EXOC1: variants seen among roughly 807,000 people sequenced by gnomAD.
The protein encoded by EXOC1 is exocyst complex component 1, also known as SEC3-like 1.
Under a neutral mutation model 107.7 loss-of-function variants are expected in EXOC1, and 67 were observed. That is an observed-to-expected ratio of 0.62 (90% CI 0.51 to 0.76). The LOEUF is 0.76. EXOC1 is among the 30% of genes least tolerant of loss of function. The probability of loss-of-function intolerance (pLI) is 0.00; values close to 1 mark genes in which losing one functional copy is unlikely to be tolerated. For missense variants in EXOC1, 833 were observed against 1,055.7 expected (o/e 0.79, Z 2.92); for synonymous variants, 348 against 353.5 (o/e 0.98, Z 0.17).
Position 55,858,293 on chromosome 4 carries a change from T to A in EXOC1, c.-10-21T>A, listed in dbSNP as rs756764899. 16 of 1,583,320 alleles carry A rather than the reference T, an allele frequency of 1.0e-5. No individual in the cohort carries two copies. In the South Asian group the frequency reaches 1.8e-4, roughly 18 times the overall value. ...AATGATGTTGAGGGTGAGCTTAATA[T>A]CTATACTCCACATTTTTCAGCTGAG... On this transcript the variant is annotated intron_variant, in intron 1 of 18. Transcript: ENST00000381295.
chr4:55,862,412 A>G (rs1200621811), intron 3 of EXOC1, among the ~76,000 whole-genome samples: 1 of 152,064 alleles, frequency 6.6e-6, no homozygotes. Context: ...AACATTAGCC[A>G]TTTAGTATCA....
intron 3 of EXOC1, 136 bp downstream of exon 3, chr4:55,860,677 CTATAAT>C (rs1721393477): frequency 1.0e-6 from 1 of 999,266 alleles, no homozygotes; most frequent in East Asian, 2.9e-5. Context: ...TTTTTTTAAG[CTATAAT>C]TATGTTTGTG....
chr4:55,872,151 A>G (rs1722501170), intron 8 of EXOC1, among the ~76,000 whole-genome samples, 193 bp downstream of exon 8: 1 of 152,204 alleles, frequency 6.6e-6, no homozygotes, highest in South Asian at 2.1e-4. Flanking sequence ...CTCTTTTGGT[A>G]GACAGTCTAG....
In EXOC1 at chr4:55,883,946, A is replaced by C; in HGVS notation, c.1330+18A>C. The C allele has an allele frequency of 1.3e-6, 2 of 1,533,336 alleles. No individual in the cohort carries two copies. The highest frequency in any genetic ancestry group is 1.8e-6 in the Non-Finnish European group (2 of 1,124,304). 95.0% of individuals were successfully genotyped at this position (1,533,336 alleles called of 1,614,324 possible). A position where few individuals can be genotyped will look rare whatever the true frequency, so the allele number is the denominator to read the frequency against. ...GAAGTTTGGTAAGCTTAGGCATGTCAGTTCATTATCTTCCTATTAAAAATG... is the reference window on the plus strand; with the variant it reads ...GAAGTTTGGTAAGCTTAGGCATGTCCGTTCATTATCTTCCTATTAAAAATG... On this transcript the variant is annotated intron_variant, in intron 10 of 18. Transcript: ENST00000381295.
At chr4:55,899,648 CAG>C in intron 16 of EXOC1, 35 bp from the exon 17 acceptor site, 1 of 1,561,518 alleles carries the variant, frequency 6.4e-7, no homozygotes, top group Non-Finnish European at 8.7e-7. Context: ...TGGTCATACT[CAG>C]AGATGTTATT....
Position 55,883,946 on chromosome 4 carries a change from A to G in EXOC1, c.1330+18A>G, listed in dbSNP as rs755701352. On this transcript the variant is annotated intron_variant, in intron 10 of 18. Transcript: ENST00000381295. Reference sequence around the variant, plus strand: ...GAAGTTTGGTAAGCTTAGGCATGTCAGTTCATTATCTTCCTATTAAAAATG... The same window carrying G: ...GAAGTTTGGTAAGCTTAGGCATGTCGGTTCATTATCTTCCTATTAAAAATG... 2.9e-5 allele frequency: 44 copies of G among 1,533,218 alleles called. No individual in the cohort carries two copies. The highest frequency in any genetic ancestry group is 7.7e-5 in the Admixed American group (4 of 51,954). 95.0% of individuals were successfully genotyped at this position (1,533,218 alleles called of 1,614,324 possible). A position where few individuals can be genotyped will look rare whatever the true frequency, so the allele number is the denominator to read the frequency against.
chr4:55,901,052 C>G (rs909034882), intron 17 of EXOC1, among the ~76,000 whole-genome samples: 1 of 152,142 alleles, frequency 6.6e-6, no homozygotes, highest in African/African-American at 2.4e-5. Context: ...TACTTAACTG[C>G]AACGTTAGAG....
chr4:55,883,779 T>C, intron 9 of EXOC1, 44 bp from the exon 10 acceptor site: 1 of 1,224,146 alleles, frequency 8.2e-7, no homozygotes, highest in Non-Finnish European at 1.1e-6. Flanking sequence ...GAAATTGTTA[T>C]ATGTGTTTTA....
chr4:55,902,804 G>GGTTA (rs1726123752), intron 18 of EXOC1, among the ~76,000 whole-genome samples: 1 of 151,628 alleles, frequency 6.6e-6, no homozygotes, highest in Admixed American at 6.6e-5. Flanking sequence ...TTGGTTGGTT[G>GGTTA]GTTGAGTGGT....
chr4:55,889,047 G>A (rs1036735530), intron 11 of EXOC1, 115 bp downstream of exon 11: 1 of 969,832 alleles, frequency 1.0e-6, no homozygotes, highest in Admixed American at 2.0e-5. Flanking sequence ...TGAATTGCCA[G>A]GTATTGGTGA....
At chr4:55,860,957 T>TG (rs1721418009) in intron 3 of EXOC1, among the ~76,000 whole-genome samples, 1 of 131,094 alleles carries the variant, frequency 7.6e-6, no homozygotes, top group African/African-American at 3.1e-5. Flanking sequence ...TGTTTGTGGA[T>TG]CAAAAAAAAA....
At position 55,893,565 on chromosome 4, in the gene EXOC1, C is replaced by T. The variant is rs753736295; in HGVS notation, c.1738C>T (p.Arg580Cys). 4 of 1,612,766 alleles carry T rather than the reference C, an allele frequency of 2.5e-6. No individual in the cohort carries two copies. The highest frequency in any genetic ancestry group is 2.5e-6 in the Non-Finnish European group (3 of 1,179,790). ...LPVSSEKDMI[R>C]QMMIKIFRCI... ...TTTTCTGAACAGGAAAGATATGATC[C>T]GCCAAATGATGATTAAAATATTTCG... The change falls in exon 15 of 19, where the codon CGC (arginine) becomes TGC (cysteine). Residue 580 changes from arginine (R) to cysteine (C), a missense_variant. Around this residue, in one of 2 missense-constraint regions of EXOC1, gnomAD observed 617 missense variants for 701.3 expected, o/e 0.88. Coordinates refer to ENST00000381295, the MANE Select transcript of EXOC1 (RefSeq NM_001024924.2).
In EXOC1 at chr4:55,870,739, A is replaced by G. The variant is rs1722351261; in HGVS notation, c.665A>G (p.Asp222Gly). Reference protein sequence around the residue: ...KQVNILMKLLDEALKEVDQIE... With the variant: ...KQVNILMKLLGEALKEVDQIE... Reference sequence around the variant, plus strand: ...GTCAACATCCTGATGAAATTGCTAGATGAGGCTCTAAAGGAGGTAGATCAG... The same window carrying G: ...GTCAACATCCTGATGAAATTGCTAGGTGAGGCTCTAAAGGAGGTAGATCAG... The change falls in exon 6 of 19, where the codon GAT becomes GGT. Residue 222 changes from aspartate to glycine, a missense_variant. Physicochemically the swap from Asp to Gly is moderately conservative, Grantham distance 94. Transcript: ENST00000381295. 1 of 1,613,798 alleles carries G rather than the reference A, an allele frequency of 6.2e-7. No homozygotes were observed. Among genetic ancestry groups the G allele is most frequent in the South Asian group, 1.1e-5 (1 of 91,084 alleles).
intron 3 of EXOC1, among the ~76,000 whole-genome samples, chr4:55,862,247 A>G (rs1006251886): frequency 6.6e-6 from 1 of 152,188 alleles, no homozygotes; most frequent in African/African-American, 2.4e-5. Flanking sequence ...TGCATAATTC[A>G]GTAACATTGC....
chr4:55,887,545 A>G (rs551464222), intron 10 of EXOC1, among the ~76,000 whole-genome samples: 3 of 152,156 alleles, frequency 2.0e-5, no homozygotes, highest in East Asian at 3.9e-4. Flanking sequence ...ATGAACCTCA[A>G]ATTATAATTA....
intron 16 of EXOC1, among the ~76,000 whole-genome samples, chr4:55,897,293 A>G (rs1301781967): frequency 6.6e-6 from 1 of 151,938 alleles, no homozygotes; most frequent in Non-Finnish European, 1.5e-5. Flanking sequence ...TGCCCTGCTA[A>G]TTTTTTGTAG....
chr4:55,893,429 T>A (rs1724820532), intron 14 of EXOC1, 123 bp from the exon 15 acceptor site: 4 of 907,782 alleles, frequency 4.4e-6, no homozygotes, highest in Non-Finnish European at 6.5e-6. Context: ...TATTTAGACA[T>A]TTTTAATTGA....
chr4:55,863,425 T>C (rs1339092532), intron 3 of EXOC1, among the ~76,000 whole-genome samples: 1 of 151,988 alleles, frequency 6.6e-6, no homozygotes, highest in Non-Finnish European at 1.5e-5. Context: ...ATCAACTGGA[T>C]AACATGGGGA....
Position 55,902,468 on chromosome 4 carries a change from TA to T in EXOC1, c.2469del (p.Gly824ValfsTer2), listed in dbSNP as rs772928078. ...KVIKEYPGKE[V>X]KKGLDNLYKK... is the part of the protein sequence containing the mutation. ...ATTAAGGAGTACCCTGGAAAGGAAG[TA>T]AAAAAAGGTCTAGATAACCTCTACA... is the stretch of plus-strand genomic sequence containing the variant. On this transcript the variant is annotated frameshift_variant, in exon 18 of 19. Coordinates refer to ENST00000381295, the MANE Select transcript of EXOC1 (RefSeq NM_001024924.2). LOFTEE classifies it high-confidence loss of function. The T allele has an allele frequency of 1.8e-5, 29 of 1,576,464 alleles. No homozygotes were observed. The highest frequency in any genetic ancestry group is 9.5e-5 in the South Asian group (8 of 84,322).
Sources: gnomAD v4.1 joint callset for allele counts (sites outside exome capture counted in the v4.1 genomes callset) on GRCh38, gnomAD v4.1.1 for gene constraint, gnomAD v4.1.1 regional missense constraint, MANE v1.5 for transcripts, NCBI Gene and HGNC (gene_info 2026-07-23, HGNC 2026-07-21) for gene names.